ABHD2: variants seen among roughly 807,000 people sequenced by gnomAD.
ABHD2 encodes abhydrolase domain containing 2, acylglycerol lipase.
Under a neutral mutation model 48.1 loss-of-function variants are expected in ABHD2, and 20 were observed. The observed-to-expected ratio is 0.42, with a 90% CI of 0.29 to 0.60. The LOEUF is 0.60. ABHD2 is among the 20% of genes least tolerant of loss of function. The pLI is 0.24. For missense variants in ABHD2, 405 were observed against 550.9 expected (o/e 0.74, Z 2.65); for synonymous variants, 209 against 214.2 (o/e 0.98, Z 0.21).
chr15:89,117,629 T>C (rs1261260856), intron 3 of ABHD2, among the ~76,000 whole-genome samples: 1 of 152,238 alleles, frequency 6.6e-6, no homozygotes, highest in African/African-American at 2.4e-5. Flanking sequence ...CTCAGAGAGA[T>C]GTCTTCCTCA....
At chr15:89,170,885 A>C (rs2150920809) in intron 5 of ABHD2, among the ~76,000 whole-genome samples, 1 of 152,240 alleles carries the variant, frequency 6.6e-6, no homozygotes, top group African/African-American at 2.4e-5. Context: ...TGGGAGGCCG[A>C]GGGGGGCGGA....
At position 89,091,196 on chromosome 15, in the gene ABHD2, T is replaced by C. The variant is rs917323853; in HGVS notation, c.-107+2633T>C. 1.3e-5 allele frequency among the ~76,000 whole-genome samples: 2 copies of C among 151,182 alleles called. No homozygotes were observed. Among genetic ancestry groups the C allele is most frequent in the Non-Finnish European group, 2.9e-5 (2 of 67,840 alleles). ...TAGGCACTCTCAGTGTGCCAGCCAA[T>C]TCCCTTTTGATGAAAAGATGCCTGC... On this transcript the variant is annotated intron_variant, in intron 1 of 10. Transcript: ENST00000352732. This position sits in a 1 kb window ranked among gnomAD's most constrained non-coding sequence, Gnocchi z 5.5.
At chr15:89,043,734 GAGA>G in the ABHD2 span, among the ~76,000 whole-genome samples, 1 of 141,570 alleles carries the variant, frequency 7.1e-6, no homozygotes, top group Non-Finnish European at 1.5e-5. Context: ...GGAGGAGGGG[GAGA>G]AGGAGGAGGA....
chr15:89,065,286 T>C, the ABHD2 span, among the ~76,000 whole-genome samples: 11 of 152,310 alleles, frequency 7.2e-5, no homozygotes, highest in East Asian at 2.1e-3. Flanking sequence ...CCACCCGTTA[T>C]GGCAAACTCA....
chr15:89,111,342 A>G (rs1323645525), intron 1 of ABHD2, among the ~76,000 whole-genome samples: 1 of 152,356 alleles, frequency 6.6e-6, no homozygotes, highest in East Asian at 1.9e-4. Context: ...TTTTCCTTCT[A>G]TATCTTTAGA....
At chr15:89,160,695 C>T (rs182402452) in intron 5 of ABHD2, among the ~76,000 whole-genome samples, 59 of 152,272 alleles carry the variant, frequency 3.9e-4, no homozygotes, top group African/African-American at 1.3e-3. Flanking sequence ...CATTATGGTC[C>T]TCACTCAAGG....
chr15:89,201,305 G>T lies in ABHD2; in HGVS notation c.*5882G>T. 2 of 1,121,062 alleles carry T rather than the reference G, an allele frequency of 1.8e-6. No individual in the cohort carries two copies. The highest frequency in any genetic ancestry group is 2.7e-6 in the Non-Finnish European group (2 of 748,620). The allele number at this position is 1,121,062 out of a possible 1,614,324, so 69.4% of individuals were successfully genotyped here. A position where few individuals can be genotyped will look rare whatever the true frequency, so the allele number is the denominator to read the frequency against. ...TTTACACTCTTCTGTTAGTTTCCTTGTTTCAGTATCATGAAGTGAAGCACT... is the reference window on the plus strand; with the variant it reads ...TTTACACTCTTCTGTTAGTTTCCTTTTTTCAGTATCATGAAGTGAAGCACT... On this transcript the variant is annotated 3_prime_UTR_variant, in exon 11 of 11. Transcript: ENST00000352732.
chr15:89,124,779 C>A (rs1381569770), intron 3 of ABHD2, among the ~76,000 whole-genome samples: 1 of 152,028 alleles, frequency 6.6e-6, no homozygotes, highest in Non-Finnish European at 1.5e-5. Context: ...TGGTGAAACC[C>A]CGTTTCTACT....
At chr15:89,098,438 C>T (rs1018581079) in intron 1 of ABHD2, among the ~76,000 whole-genome samples, 2 of 152,102 alleles carry the variant, frequency 1.3e-5, no homozygotes, top group Non-Finnish European at 2.9e-5. Context: ...GAGGAGTTTC[C>T]CTGGGGCCTG....
At position 89,175,963 on chromosome 15, in the gene ABHD2, C is replaced by T. The variant is rs763642629; in HGVS notation, c.690C>T (p.Cys230=). ...TQANQEKVLC[C]VSVCQGYSAL... ...CAAACCAAGAGAAGGTCCTGTGCTG[C>T]GTCAGCGTGTGCCAGGGGTACAGTG... Residue 230 remains cysteine, a synonymous_variant, in exon 6 of 11, where the codon TGC becomes TGT. Transcript: ENST00000352732. This position sits in a 1 kb window ranked among gnomAD's most constrained non-coding sequence, Gnocchi z 5.7. 8 of 1,612,380 alleles carry T rather than the reference C, an allele frequency of 5.0e-6. No homozygotes were observed. Among genetic ancestry groups the T allele is most frequent in the Admixed American group, 3.3e-5 (2 of 59,764 alleles).
chr15:89,068,196 G>GCACACACA, the ABHD2 span, among the ~76,000 whole-genome samples: 1,441 of 149,796 alleles, frequency 9.6e-3, 25 homozygotes, highest in African/African-American at 0.031. Flanking sequence ...ATGTGCGCGT[G>GCACACACA]CACACACACA....
chr15:89,101,453 A>T (rs1011240220), intron 1 of ABHD2, among the ~76,000 whole-genome samples: 1 of 152,220 alleles, frequency 6.6e-6, no homozygotes, highest in Non-Finnish European at 1.5e-5. Flanking sequence ...TCTCCGCCCA[A>T]TGTAATAATC....
At position 89,186,643 on chromosome 15, in the gene ABHD2, G is replaced by A. The variant is rs138513918; in HGVS notation, c.815+1127G>A. Among the ~76,000 whole-genome samples the A allele has an allele frequency of 9.9e-5, 15 of 152,164 alleles. No individual in the cohort carries two copies. The highest frequency in any genetic ancestry group is 1.9e-4 in the Non-Finnish European group (13 of 68,008). On this transcript the variant is annotated intron_variant, in intron 7 of 10. Coordinates refer to ENST00000352732, the MANE Select transcript of ABHD2 (RefSeq NM_152924.5). The surrounding 1 kb of genome is among the most constrained non-coding windows in gnomAD (Gnocchi z 4.3). The stretch of plus-strand genomic sequence containing the variant: ...TTTGCTTCCCCTCTGTAAATCCTAC[G>A]TCTAGAACCAAACTGGAGAGCGTTG...
At chr15:89,135,766 G>A in intron 3 of ABHD2, 1 of 906,398 alleles carries the variant, frequency 1.1e-6, no homozygotes, top group Non-Finnish European at 1.8e-6. Context: ...CTGCAGCAAT[G>A]TTATTCCACA....
At chr15:89,056,908 C>CGTTTTTTTTTTTTTTTT in the ABHD2 span, among the ~76,000 whole-genome samples, 1 of 87,418 alleles carries the variant, frequency 1.1e-5, no homozygotes. Context: ...TAAGTGATAC[C>CGTTTTTTTTTTTTTTTT]TTTTTTTTTT....
chr15:89,111,288 T>C (rs920838318), intron 1 of ABHD2, among the ~76,000 whole-genome samples: 4 of 152,204 alleles, frequency 2.6e-5, no homozygotes, highest in African/African-American at 9.7e-5. Flanking sequence ...CCAATACTCT[T>C]ATAACGCAGT....
chr15:89,093,031 G>A (rs1046203999), intron 1 of ABHD2, among the ~76,000 whole-genome samples: 3 of 151,568 alleles, frequency 2.0e-5, no homozygotes, highest in Admixed American at 6.6e-5. Flanking sequence ...AGTGAGGAAC[G>A]CATTGGTCCT....
the ABHD2 span, among the ~76,000 whole-genome samples, chr15:89,049,856 C>T: frequency 3.3e-5 from 5 of 152,202 alleles, no homozygotes; most frequent in Non-Finnish European, 5.9e-5. Flanking sequence ...TCTTTTGCAT[C>T]GCTCATGCTG....
chr15:89,171,829 C>A (rs531654687), intron 5 of ABHD2, among the ~76,000 whole-genome samples: 1 of 152,262 alleles, frequency 6.6e-6, no homozygotes, highest in African/African-American at 2.4e-5. Context: ...AGTGGTTGCA[C>A]CTGAGGATCT....
Sources: allele counts gnomAD v4.1 joint callset (sites outside exome capture counted in the v4.1 genomes callset), GRCh38; gene constraint gnomAD v4.1.1; non-coding constraint Gnocchi (gnomAD v3.1); transcripts MANE v1.5; gene names NCBI Gene and HGNC (gene_info 2026-07-23, HGNC 2026-07-21).